KPNA1: variants seen among roughly 807,000 people sequenced by gnomAD.
KPNA1 encodes importin subunit alpha-5.
Under a neutral mutation model 70.5 loss-of-function variants are expected in KPNA1, and 10 were observed. That is an observed-to-expected ratio of 0.14 (90% CI 0.09 to 0.24). KPNA1 has a LOEUF of 0.24. Among genes scored for constraint, KPNA1 ranks in the 10% least tolerant of loss-of-function variants. The probability of loss-of-function intolerance (pLI) is 1.00; values close to 1 mark genes in which losing one functional copy is unlikely to be tolerated. For missense variants in KPNA1, 397 were observed against 637.9 expected (o/e 0.62, Z 4.07); for synonymous variants, 192 against 221.9 (o/e 0.87, Z 1.20).
Position 122,503,350 on chromosome 3 carries a change from G to C in KPNA1, c.-5-6780C>G, listed in dbSNP as rs147376280. On this transcript the variant is annotated intron_variant, in intron 1 of 13. Coordinates refer to ENST00000344337, the MANE Select transcript of KPNA1 (RefSeq NM_002264.4). ...TCAATGAAGGCATATAGGAAGTCTC[G>C]TGCACTTCTTAAAACGTTTTTGTAG... Among the ~76,000 whole-genome samples, 4 of 152,200 alleles carry C rather than the reference G, an allele frequency of 2.6e-5. No individual in the cohort carries two copies. The East Asian group carries it at 7.7e-4, about 29-fold the overall frequency.
At chr3:122,510,421 G>C (rs2076942281) in intron 1 of KPNA1, among the ~76,000 whole-genome samples, 1 of 152,130 alleles carries the variant, frequency 6.6e-6, no homozygotes, top group African/African-American at 2.4e-5. Flanking sequence ...CTCAGGAAAT[G>C]AAGCAAACAA....
At position 122,425,556 on chromosome 3, in the gene KPNA1, T is replaced by C. The variant is rs916130483; in HGVS notation, c.*1429A>G. ...GGCCAACTAGCACCGAGAAGTCGTATTGAACTCATTTGCAGTTGTCTTGGC... is the reference window on the plus strand; with the variant it reads ...GGCCAACTAGCACCGAGAAGTCGTACTGAACTCATTTGCAGTTGTCTTGGC... On this transcript the variant is annotated 3_prime_UTR_variant, in exon 14 of 14. Transcript: ENST00000344337. 3 of 152,622 alleles carry C rather than the reference T, an allele frequency of 2.0e-5. No individual in the cohort carries two copies. The highest frequency in any genetic ancestry group is 4.8e-5 in the African/African-American group (2 of 41,440). The allele number at this position is 152,622 out of a possible 1,614,324, so 9.5% of individuals were successfully genotyped here.
intron 9 of KPNA1, 23 bp from the exon 10 acceptor site, chr3:122,442,139 T>C (rs771605150): frequency 6.4e-7 from 1 of 1,557,188 alleles, no homozygotes; most frequent in Non-Finnish European, 8.9e-7. Context: ...AAAGTAATGT[T>C]ATAGCAAACA....
At chr3:122,504,982 C>G (rs1172879275) in intron 1 of KPNA1, among the ~76,000 whole-genome samples, 1 of 151,712 alleles carries the variant, frequency 6.6e-6, no homozygotes, top group Non-Finnish European at 1.5e-5. Context: ...AGCAGACAGA[C>G]ACCTCTGGGT....
intron 1 of KPNA1, among the ~76,000 whole-genome samples, chr3:122,499,970 GACT>G (rs1394464950): frequency 6.6e-6 from 1 of 152,172 alleles, no homozygotes; most frequent in African/African-American, 2.4e-5. Context: ...GCAGTTCTGT[GACT>G]ACTATTTCAG....
At chr3:122,472,526 AAC>A (rs2107754337) in intron 2 of KPNA1, among the ~76,000 whole-genome samples, 1 of 152,314 alleles carries the variant, frequency 6.6e-6, no homozygotes, top group South Asian at 2.1e-4. Flanking sequence ...CCTTAAAAAA[AAC>A]AGAAAAAGAA....
intron 5 of KPNA1, 80 bp from the exon 6 acceptor site, chr3:122,454,081 A>G: frequency 2.1e-6 from 2 of 973,092 alleles, no homozygotes; most frequent in South Asian, 1.9e-5. Context: ...TTTTCTGTAC[A>G]TGAAAAAAAG....
intron 2 of KPNA1, among the ~76,000 whole-genome samples, chr3:122,490,410 A>C (rs2076684810): frequency 6.6e-6 from 1 of 152,180 alleles, no homozygotes; most frequent in Non-Finnish European, 1.5e-5. Context: ...TGCTGTTTTC[A>C]TGTATTTTAT....
intron 1 of KPNA1, among the ~76,000 whole-genome samples, chr3:122,509,333 A>G (rs943186895): frequency 1.2e-4 from 18 of 152,184 alleles, no homozygotes; most frequent in African/African-American, 4.1e-4. Context: ...AGGCACATAC[A>G]CTAATTCTCC....
chr3:122,427,569 G>A lies in KPNA1; in HGVS notation c.1398C>T (p.Asn466=). 1.2e-6 allele frequency: 2 copies of A among 1,613,918 alleles called. No individual in the cohort carries two copies. Among genetic ancestry groups the A allele is most frequent in the Non-Finnish European group, 1.7e-6 (2 of 1,179,974 alleles). ...QEAKRNGTGI[N]PYCALIEEAY... ...CTTCTTCAATCAAAGCACAGTAAGG[G>A]TTAATGCCAGTGCCATTCCTTTTGG... Residue 466 remains asparagine, a synonymous_variant, in exon 13 of 14, where the codon AAC becomes AAT. Transcript: ENST00000344337.
chr3:122,440,523 T>C (rs1033582150), intron 10 of KPNA1, among the ~76,000 whole-genome samples: 1 of 152,126 alleles, frequency 6.6e-6, no homozygotes, highest in Admixed American at 6.5e-5. Context: ...AAGATACTGA[T>C]AGGGTTCAAA....
chr3:122,457,739 T>C (rs1451217536), intron 5 of KPNA1: 2 of 1,288,770 alleles, frequency 1.6e-6, no homozygotes, highest in South Asian at 2.5e-5. Context: ...CTATCAAGTT[T>C]CCCACTCCAG....
At chr3:122,500,838 TAA>T (rs2076820467) in intron 1 of KPNA1, among the ~76,000 whole-genome samples, 1 of 151,966 alleles carries the variant, frequency 6.6e-6, no homozygotes, top group African/African-American at 2.4e-5. Flanking sequence ...TCAATCTAGC[TAA>T]AAGTTTGTCA....
Position 122,433,765 on chromosome 3 carries a change from G to A in KPNA1, c.1146C>T (p.Phe382=). Residue 382 remains phenylalanine (F), a synonymous_variant, in exon 12 of 14, where the codon TTC becomes TTT. Transcript: ENST00000344337. Reference sequence around the variant, plus strand: ...TTTGTAAAATACTAATGAGGGCTGGGAAAATGTTGGCATCTATCACAGTCT... The same window carrying A: ...TTTGTAAAATACTAATGAGGGCTGGAAAAATGTTGGCATCTATCACAGTCT... ...QIQTVIDANI[F]PALISILQTA... 1 of 1,609,986 alleles carries A rather than the reference G, an allele frequency of 6.2e-7. No individual in the cohort carries two copies. The highest frequency in any genetic ancestry group is 8.5e-7 in the Non-Finnish European group (1 of 1,178,534).
chr3:122,452,544 AGGAGGGAGGGAGGGAG>A (rs373893340), intron 6 of KPNA1, among the ~76,000 whole-genome samples: 3 of 35,502 alleles, frequency 8.5e-5, no homozygotes, highest in Non-Finnish European at 1.1e-4. Flanking sequence ...GAAGGAGGGA[AGGAGGGAGGGAGGGAG>A]GGAGGGAAGG....
At chr3:122,445,838 C>T (rs912551011) in intron 9 of KPNA1, among the ~76,000 whole-genome samples, 4 of 151,636 alleles carry the variant, frequency 2.6e-5, no homozygotes, top group African/African-American at 7.3e-5. Context: ...GTACAAAGCA[C>T]ATGGAAAGCA....
intron 9 of KPNA1, among the ~76,000 whole-genome samples, chr3:122,448,487 A>T (rs1448272033): frequency 6.6e-6 from 1 of 152,160 alleles, no homozygotes; most frequent in Non-Finnish European, 1.5e-5. Flanking sequence ...GTAAACTATC[A>T]CAAGGACAGA....
intron 2 of KPNA1, among the ~76,000 whole-genome samples, chr3:122,468,525 C>A (rs761969333): frequency 7.9e-5 from 12 of 152,178 alleles, no homozygotes; most frequent in African/African-American, 1.7e-4. Flanking sequence ...ACAGTAGTTT[C>A]TTTTACCCAG....
intron 1 of KPNA1, among the ~76,000 whole-genome samples, chr3:122,501,782 C>A (rs746044857): frequency 6.6e-6 from 1 of 152,128 alleles, no homozygotes; most frequent in Non-Finnish European, 1.5e-5. Context: ...TGACCTTCCA[C>A]CAAGTTGTTC....
Sources: allele counts gnomAD v4.1 joint callset (sites outside exome capture counted in the v4.1 genomes callset), GRCh38; gene constraint gnomAD v4.1.1; transcripts MANE v1.5; gene names NCBI Gene and HGNC (gene_info 2026-07-23, HGNC 2026-07-21).